The following MKLN1 variants were observed in gnomAD, a reference collection of about 807,000 sequenced individuals.
MKLN1 encodes muskelin.
MKLN1 carries 18 observed loss-of-function variants against 99.0 expected under a neutral mutation model. That is an observed-to-expected ratio of 0.18 (90% CI 0.13 to 0.27). The LOEUF is 0.27. MKLN1 is among the 10% of genes least tolerant of loss of function. MKLN1 has a pLI of 1.00. For missense variants in MKLN1, 621 were observed against 875.9 expected (o/e 0.71, Z 3.67); for synonymous variants, 288 against 293.2 (o/e 0.98, Z 0.18).
chr7:131,150,374 C>G (rs1374424373), intron 2 of MKLN1, among the ~76,000 whole-genome samples: 1 of 152,116 alleles, frequency 6.6e-6, no homozygotes. Context: ...GTAGTCCCAG[C>G]TACTAAGGAG....
rs534710391 is a variant in MKLN1, at chr7:131,399,850, A to G, written c.703+417A>G. ...AGGAACAAGGAGATTTGTATTGAAA[A>G]CAACTTCCTTGTGGTGTGAATGCTA... On this transcript the variant is annotated intron_variant, in intron 6 of 17. Coordinates refer to ENST00000352689, the MANE Select transcript of MKLN1 (RefSeq NM_013255.5). Among the ~76,000 whole-genome samples, 7 of 152,290 alleles carry G rather than the reference A, an allele frequency of 4.6e-5. No individual in the cohort carries two copies. The South Asian group carries it at 1.5e-3, about 32-fold the overall frequency.
At chr7:131,161,389 A>G (rs1796045953) in intron 2 of MKLN1, among the ~76,000 whole-genome samples, 1 of 152,186 alleles carries the variant, frequency 6.6e-6, no homozygotes. Flanking sequence ...AAGGTATGCT[A>G]TACAGGTTGA....
chr7:131,162,433 G>A (rs35113825), intron 2 of MKLN1, among the ~76,000 whole-genome samples: 4 of 152,150 alleles, frequency 2.6e-5, no homozygotes, highest in African/African-American at 9.7e-5. Context: ...ACATAAATGA[G>A]CGTCAGGAAT....
chr7:131,178,297 TTTTTTTTTTTTG>T, intron 2 of MKLN1, among the ~76,000 whole-genome samples: 1 of 141,814 alleles, frequency 7.1e-6, no homozygotes, highest in East Asian at 2.0e-4. Flanking sequence ...TTTTTTTTTT[TTTTTTTTTTTTG>T]TATTTTTAGT....
chr7:131,339,580 T>C (rs1799346145), intron 1 of MKLN1, among the ~76,000 whole-genome samples: 1 of 152,032 alleles, frequency 6.6e-6, no homozygotes, highest in Non-Finnish European at 1.5e-5. Context: ...ATGCCTGTGC[T>C]CCCAGCTGTT....
chr7:131,333,316 C>G (rs1799148269), intron 1 of MKLN1, among the ~76,000 whole-genome samples: 1 of 152,174 alleles, frequency 6.6e-6, no homozygotes, highest in South Asian at 2.1e-4. Flanking sequence ...CTCAAGTGAT[C>G]CTCTCACCTC....
At chr7:131,312,805 C>T (rs1410786418) in intron 3 of MKLN1, among the ~76,000 whole-genome samples, 1 of 152,064 alleles carries the variant, frequency 6.6e-6, no homozygotes, top group Non-Finnish European at 1.5e-5. Context: ...AGTGAAAAAC[C>T]TAAGAAGTAA....
intron 8 of MKLN1, among the ~76,000 whole-genome samples, chr7:131,418,337 C>A (rs1282147129): frequency 6.8e-6 from 1 of 147,726 alleles, no homozygotes; most frequent in Admixed American, 6.8e-5. Flanking sequence ...CCATCGCACT[C>A]CAGCCTGGGA....
chr7:131,328,667 A>G (rs1390430981), intron 1 of MKLN1, among the ~76,000 whole-genome samples: 1 of 152,198 alleles, frequency 6.6e-6, no homozygotes, highest in African/African-American at 2.4e-5. Context: ...ATTACGGCTC[A>G]TTAGAAGATG....
At chr7:131,151,868 A>G (rs111533548) in intron 2 of MKLN1, among the ~76,000 whole-genome samples, 4 of 152,334 alleles carry the variant, frequency 2.6e-5, no homozygotes, top group South Asian at 2.1e-4. Flanking sequence ...ATGCATGTTA[A>G]TGGTTTATTA....
intron 7 of MKLN1, among the ~76,000 whole-genome samples, chr7:131,412,728 A>G (rs1214948281): frequency 1.3e-5 from 2 of 152,194 alleles, no homozygotes; most frequent in Non-Finnish European, 2.9e-5. Flanking sequence ...AACATAGTGG[A>G]AAGTGTAGCA....
At chr7:131,157,500 A>ATATC (rs1379586133) in intron 2 of MKLN1, among the ~76,000 whole-genome samples, 4 of 152,210 alleles carry the variant, frequency 2.6e-5, no homozygotes, top group Admixed American at 2.0e-4. Flanking sequence ...CATAGGTGTG[A>ATATC]TATCTACCTC....
At chr7:131,192,085 A>ATACAGTATATATATTT (rs1796554251) in intron 2 of MKLN1, among the ~76,000 whole-genome samples, 1 of 82,350 alleles carries the variant, frequency 1.2e-5, no homozygotes, top group Non-Finnish European at 2.5e-5. Context: ...ATACATATAT[A>ATACAGTATATATATTT]TTATATATAT....
intron 2 of MKLN1, among the ~76,000 whole-genome samples, chr7:131,169,024 C>T (rs6966634): frequency 0.095 from 14,392 of 152,186 alleles, 831 homozygotes; most frequent in South Asian, 0.17. Context: ...CCCACCACCA[C>T]GCCTGGCTAA....
intron 3 of MKLN1, among the ~76,000 whole-genome samples, chr7:131,265,397 C>G (rs971283877): frequency 6.6e-6 from 1 of 152,142 alleles, no homozygotes; most frequent in African/African-American, 2.4e-5. Flanking sequence ...TCTCTTACGT[C>G]TTTCTTCTTC....
chr7:131,491,508 C>T lies in MKLN1; in HGVS notation c.*3780C>T, dbSNP rs1797422083. On this transcript the variant is annotated 3_prime_UTR_variant, in exon 18 of 18. Coordinates refer to ENST00000352689, the MANE Select transcript of MKLN1 (RefSeq NM_013255.5). ...ACGCTATTCTTTTGTGGTTCTAGAC[C>T]CTGGCTTCTATCTCCCTGTGATTTG... 6.6e-6 allele frequency: 1 copy of T among 151,940 alleles called. No homozygotes were observed. The highest frequency in any genetic ancestry group is 1.5e-5 in the Non-Finnish European group (1 of 67,980). The allele number at this position is 151,940 out of a possible 1,614,324, so 9.4% of individuals were successfully genotyped here.
chr7:131,376,693 A>G (rs546917809), intron 2 of MKLN1, among the ~76,000 whole-genome samples: 11 of 151,122 alleles, frequency 7.3e-5, no homozygotes, highest in African/African-American at 2.7e-4. Flanking sequence ...AATGTAAAGA[A>G]TAAGACAAAT....
At chr7:131,183,914 C>T (rs1796410849) in intron 2 of MKLN1, among the ~76,000 whole-genome samples, 1 of 151,848 alleles carries the variant, frequency 6.6e-6, no homozygotes, top group Non-Finnish European at 1.5e-5. Flanking sequence ...AGTCCTGGCC[C>T]TGGTACCTTG....
intron 8 of MKLN1, among the ~76,000 whole-genome samples, chr7:131,425,084 C>T (rs1327505308): frequency 6.6e-6 from 1 of 152,102 alleles, no homozygotes; most frequent in African/African-American, 2.4e-5. Flanking sequence ...ATTCTCACAG[C>T]AGCTTTATGG....
Sources: allele counts gnomAD v4.1 joint callset (sites outside exome capture counted in the v4.1 genomes callset), GRCh38; gene constraint gnomAD v4.1.1; transcripts MANE v1.5; gene names NCBI Gene and HGNC (gene_info 2026-07-23, HGNC 2026-07-21).